POU2F2: variants seen among roughly 807,000 people sequenced by gnomAD.
POU2F2 encodes the protein POU domain, class 2, transcription factor 2.
POU2F2 carries 14 observed loss-of-function variants against 63.5 expected under a neutral mutation model. The observed-to-expected ratio is 0.22, with a 90% CI of 0.15 to 0.34. The LOEUF (loss-of-function observed/expected upper bound fraction) is 0.34. POU2F2 is among the 10% of genes least tolerant of loss of function. The pLI, the probability that POU2F2 is intolerant of heterozygous loss-of-function variation, is 1.00. For missense variants in POU2F2, 607 were observed against 815.2 expected (o/e 0.74, Z 3.11); for synonymous variants, 306 against 348.6 (o/e 0.88, Z 1.36).
At chr19:42,174,814 G>C (rs1211017135) in intron 1 of POU2F2, among the ~76,000 whole-genome samples, 1 of 151,884 alleles carries the variant, frequency 6.6e-6, no homozygotes, top group Non-Finnish European at 1.5e-5. Context: ...ATATCCTGGG[G>C]GGTGGAAGGA....
At chr19:42,112,753 C>T (rs887287504) in intron 5 of POU2F2, among the ~76,000 whole-genome samples, 1 of 152,174 alleles carries the variant, frequency 6.6e-6, no homozygotes, top group Non-Finnish European at 1.5e-5. Flanking sequence ...TACAATGAAA[C>T]AGGGAGACAG....
intron 5 of POU2F2, among the ~76,000 whole-genome samples, chr19:42,104,597 A>G (rs570486681): frequency 1.3e-5 from 2 of 152,240 alleles, no homozygotes; most frequent in African/African-American, 4.8e-5. Flanking sequence ...TGTTGAGTGG[A>G]AAGCTCAAGA....
intron 1 of POU2F2, among the ~76,000 whole-genome samples, chr19:42,166,293 G>A (rs2146794157): frequency 6.6e-6 from 1 of 152,098 alleles, no homozygotes; most frequent in South Asian, 2.1e-4. Context: ...CAGGTCTCAT[G>A]CTCTGGGGAC....
At position 42,086,730 on chromosome 19, in the gene POU2F2, T is replaced by C. The variant is rs747220458; in HGVS notation, c.*4527A>G. On this transcript the variant is annotated 3_prime_UTR_variant, in exon 15 of 15. Transcript: ENST00000692977. ...GAGGCCCCCAGTCACCCTGCAATTATATAAATAAATAAATACTGAGCCCCT... is the reference window on the plus strand; with the variant it reads ...GAGGCCCCCAGTCACCCTGCAATTACATAAATAAATAAATACTGAGCCCCT... 1 of 151,900 alleles carries C rather than the reference T, an allele frequency of 6.6e-6. No homozygotes were observed. The highest frequency in any genetic ancestry group is 1.5e-5 in the Non-Finnish European group (1 of 67,998). The allele number at this position is 151,900 out of a possible 1,614,324, so 9.4% of individuals were successfully genotyped here. A position where few individuals can be genotyped will look rare whatever the true frequency, so the allele number is the denominator to read the frequency against.
At chr19:42,121,993 G>A in intron 4 of POU2F2, 133 bp downstream of exon 4, 1 of 939,398 alleles carries the variant, frequency 1.1e-6, no homozygotes. Context: ...CCAAGAGTGA[G>A]AAGGGGCGGG....
At chr19:42,124,156 T>G (rs1354372621) in intron 1 of POU2F2, among the ~76,000 whole-genome samples, 3 of 151,798 alleles carry the variant, frequency 2.0e-5, no homozygotes, top group Admixed American at 2.0e-4. Flanking sequence ...ACACAAAAAT[T>G]AGCTGGGCAT....
At chr19:42,149,980 C>CT (rs1306011206) in intron 2 of POU2F2, among the ~76,000 whole-genome samples, 1 of 152,206 alleles carries the variant, frequency 6.6e-6, no homozygotes, top group African/African-American at 2.4e-5. Flanking sequence ...CCCTGGGGGA[C>CT]TGAGAGCTGA....
intron 4 of POU2F2, among the ~76,000 whole-genome samples, chr19:42,120,797 T>C (rs1285438341): frequency 6.6e-6 from 1 of 152,242 alleles, no homozygotes; most frequent in Non-Finnish European, 1.5e-5. Context: ...ACCTTCTCTC[T>C]ATTTCTGTAT....
chr19:42,122,715 C>A, intron 1 of POU2F2, 139 bp from the exon 2 acceptor site: 2 of 746,962 alleles, frequency 2.7e-6, no homozygotes, highest in Non-Finnish European at 4.3e-6. Flanking sequence ...TGTCTCTTCC[C>A]AAGAGACATG....
intron 4 of POU2F2, among the ~76,000 whole-genome samples, chr19:42,118,670 A>G (rs1273352462): frequency 6.6e-6 from 1 of 152,226 alleles, no homozygotes; most frequent in Non-Finnish European, 1.5e-5. Flanking sequence ...CTCCATTCCT[A>G]GGTAAAAAGC....
intron 2 of POU2F2, among the ~76,000 whole-genome samples, chr19:42,138,174 C>T (rs936077141): frequency 1.3e-5 from 2 of 152,058 alleles, no homozygotes; most frequent in African/African-American, 4.8e-5. Flanking sequence ...TGGGGGTCAG[C>T]GTGAGGAAGC....
In POU2F2 at chr19:42,091,373, CAGG is replaced by C. The variant is rs1443451281; in HGVS notation, c.1756_1758del (p.Pro586del). On this transcript the variant is annotated inframe_deletion, in exon 15 of 15. Coordinates refer to ENST00000692977, the MANE Select transcript of POU2F2 (RefSeq NM_001394376.1). ...GATGAAGAGGATGAGGAGGAGAGGC[CAGG>C]AGACTTGCTGGAGATGGAGGCTGCC... is the stretch of plus-strand genomic sequence containing the variant. The C allele has an allele frequency of 6.5e-7, 1 of 1,540,622 alleles. No homozygotes were observed. The highest frequency in any genetic ancestry group is 2.4e-5 in the East Asian group (1 of 40,920).
chr19:42,112,961 C>T (rs879527300), intron 5 of POU2F2, among the ~76,000 whole-genome samples: 1 of 152,182 alleles, frequency 6.6e-6, no homozygotes, highest in Non-Finnish European at 1.5e-5. Flanking sequence ...AGCCCCTTCC[C>T]AGCAAACTCC....
chr19:42,180,362 T>TA (rs2034947148), upstream of POU2F2, among the ~76,000 whole-genome samples: 1 of 152,066 alleles, frequency 6.6e-6, no homozygotes, highest in Non-Finnish European at 1.5e-5. Flanking sequence ...GGGGTCCCAA[T>TA]AGTGAGGAGA....
At chr19:42,120,553 A>G (rs1287405189) in intron 4 of POU2F2, among the ~76,000 whole-genome samples, 1 of 152,158 alleles carries the variant, frequency 6.6e-6, no homozygotes, top group Non-Finnish European at 1.5e-5. Flanking sequence ...TCTTTTTAAT[A>G]AGCCTCTTTT....
At chr19:42,166,189 G>A (rs2034645851) in intron 1 of POU2F2, among the ~76,000 whole-genome samples, 4 of 152,196 alleles carry the variant, frequency 2.6e-5, no homozygotes. Context: ...CACCTGACTG[G>A]TGTGACACTT....
At chr19:42,122,047 C>T (rs534497767) in intron 4 of POU2F2, 79 bp downstream of exon 4, 8 of 1,410,448 alleles carry the variant, frequency 5.7e-6, no homozygotes, top group Non-Finnish European at 7.0e-6. Context: ...GCTCTCTCAG[C>T]CCTTGGACTG....
At chr19:42,182,200 C>T (rs1228430393) in intron 1 of POU2F2, among the ~76,000 whole-genome samples, 1 of 149,920 alleles carries the variant, frequency 6.7e-6, no homozygotes, top group African/African-American at 2.5e-5. Flanking sequence ...CAAGATTGTT[C>T]CACTGCACTG....
chr19:42,131,323 A>G (rs1186034104), intron 1 of POU2F2, among the ~76,000 whole-genome samples: 1 of 152,126 alleles, frequency 6.6e-6, no homozygotes, highest in African/African-American at 2.4e-5. Flanking sequence ...CCCAACACAG[A>G]ACTACTCAAT....
Sources: allele counts gnomAD v4.1 joint callset (sites outside exome capture counted in the v4.1 genomes callset), GRCh38; gene constraint gnomAD v4.1.1; transcripts MANE v1.5; gene names NCBI Gene and HGNC (gene_info 2026-07-23, HGNC 2026-07-21).